Variants in MKX observed in about 807,000 individuals in gnomAD.
The protein encoded by MKX is homeobox protein Mohawk.
MKX carries 13 observed loss-of-function variants against 36.0 expected under a neutral mutation model. That is an observed-to-expected ratio of 0.36 (90% confidence interval 0.24 to 0.57). The LOEUF (loss-of-function observed/expected upper bound fraction) is 0.57, where lower values mean the gene tolerates loss of function less well. MKX is among the 20% of genes least tolerant of loss of function. The pLI is 0.79. For synonymous variants in MKX, 176 were observed against 178.3 expected, an observed-to-expected ratio of 0.99 and a Z score of 0.10; for missense variants, 458 against 456.4, an observed-to-expected ratio of 1.00 and a Z score of -0.03.
rs143683680 is a variant in MKX at position 27,734,968 on chromosome 10, G to A, written c.503-177C>T. ...AAAGCAAATATTTATGTCATCTCTC[G>A]CTTATGGTATTTTAATTTTAATGAA... On this transcript the variant is annotated intron_variant, in intron 4 of 6. Coordinates refer to ENST00000419761, the MANE Select transcript of MKX (RefSeq NM_173576.3). Among the ~76,000 whole-genome samples, 143 of 152,024 alleles carry A rather than the reference G, an allele frequency of 9.4e-4. 2 individuals carry two copies. The East Asian group carries it at 0.025, about 27-fold the overall frequency.
At chr10:27,726,142 C>T (rs1422196135) in intron 5 of MKX, among the ~76,000 whole-genome samples, 1 of 152,092 alleles carries the variant, frequency 6.6e-6, no homozygotes, top group African/African-American at 2.4e-5. Context: ...TCAGTAGAAC[C>T]ATAATGCCAA....
intron 5 of MKX, among the ~76,000 whole-genome samples, chr10:27,723,024 G>A (rs1055700889): frequency 1.3e-5 from 2 of 152,090 alleles, no homozygotes; most frequent in African/African-American, 4.8e-5. Flanking sequence ...GAAAGTTATT[G>A]TAACTATAAA....
Position 27,675,123 on chromosome 10 carries a change from A to G in MKX, c.*106T>C. On this transcript the variant is annotated 3_prime_UTR_variant, in exon 7 of 7. Transcript: ENST00000419761. Reference sequence around the variant, plus strand: ...TATATTTGGGATAATTAAAAATAAGAAGAGGTTTGGGAGAGAGTCATTTTC... The same window carrying G: ...TATATTTGGGATAATTAAAAATAAGGAGAGGTTTGGGAGAGAGTCATTTTC... 1.0e-6 allele frequency: 1 copy of G among 1,004,702 alleles called. No homozygotes were observed. Among genetic ancestry groups the G allele is most frequent in the Admixed American group, 2.6e-5 (1 of 38,278 alleles). The allele number at this position is 1,004,702 out of a possible 1,614,324, so 62.2% of individuals were successfully genotyped here.
chr10:27,709,652 A>T (rs950254247), intron 5 of MKX, among the ~76,000 whole-genome samples: 1 of 152,192 alleles, frequency 6.6e-6, no homozygotes, highest in Non-Finnish European at 1.5e-5. Flanking sequence ...GCCCCTCTGG[A>T]GTGGGATGAA....
chr10:27,740,569 T>C (rs567377252), intron 3 of MKX, among the ~76,000 whole-genome samples: 1 of 152,196 alleles, frequency 6.6e-6, no homozygotes, highest in Non-Finnish European at 1.5e-5. Context: ...TTGTGAACAG[T>C]AAGATTCAGT....
chr10:27,679,498 C>T (rs1836214686), intron 5 of MKX, among the ~76,000 whole-genome samples: 1 of 152,182 alleles, frequency 6.6e-6, no homozygotes, highest in Non-Finnish European at 1.5e-5. Context: ...TGGTGGGCTG[C>T]TCAGTGTCAC....
In MKX at chr10:27,724,791, A is replaced by ACACACACACC. The variant is rs775804611; in HGVS notation, c.838+9664_838+9665insGGTGTGTGTG. ...CACACACACACACACACACACACACACCCCGCAGAAACCTTTGGCCACCAG... is the reference window on the plus strand; with the variant it reads ...CACACACACACACACACACACACACACACACACACCCCCCGCAGAAACCTTTGGCCACCAG... On this transcript the variant is annotated intron_variant, in intron 5 of 6. Coordinates refer to ENST00000419761, the MANE Select transcript of MKX (RefSeq NM_173576.3). Among the ~76,000 whole-genome samples, 281 of 147,864 alleles carry ACACACACACC rather than the reference A, an allele frequency of 1.9e-3. 1 individual carries two copies. Among genetic ancestry groups the ACACACACACC allele is most frequent in the Middle Eastern group, 7.1e-3 (2 of 282 alleles).
At chr10:27,684,874 G>A (rs2132498634) in intron 5 of MKX, among the ~76,000 whole-genome samples, 1 of 152,346 alleles carries the variant, frequency 6.6e-6, no homozygotes, top group Admixed American at 6.5e-5. Context: ...CTCACAAGAA[G>A]TGCGCAACCC....
At position 27,727,232 on chromosome 10, in the gene MKX, T is replaced by C. The variant is rs553537690; in HGVS notation, c.838+7224A>G. On this transcript the variant is annotated intron_variant, in intron 5 of 6. Transcript: ENST00000419761. ...TCATACTTTCGATTTGTTTATAAGC[T>C]ATATAGTATGATAGTGCGAGTCTCA... 6.6e-5 allele frequency among the ~76,000 whole-genome samples: 10 copies of C among 152,374 alleles called. No homozygotes were observed. The South Asian group carries it at 2.1e-3, about 32-fold the overall frequency.
At chr10:27,737,947 G>A (rs1395349012) in intron 3 of MKX, among the ~76,000 whole-genome samples, 1 of 151,978 alleles carries the variant, frequency 6.6e-6, no homozygotes, top group Non-Finnish European at 1.5e-5. Context: ...CCTTCTAACA[G>A]ATAAAAATGG....
intron 1 of MKX, 149 bp from the exon 2 acceptor site, chr10:27,743,646 C>A (rs529035541): frequency 1.2e-4 from 61 of 514,634 alleles, no homozygotes; most frequent in African/African-American, 1.1e-3. Context: ...CTGCGGCTCT[C>A]CCCAGTTGGC....
intron 5 of MKX, among the ~76,000 whole-genome samples, chr10:27,677,145 T>A (rs895383637): frequency 7.2e-5 from 11 of 152,108 alleles, no homozygotes; most frequent in Non-Finnish European, 1.5e-4. Flanking sequence ...ATCATCATCG[T>A]CATCATCATC....
At chr10:27,700,798 C>A (rs900204788) in intron 5 of MKX, among the ~76,000 whole-genome samples, 1 of 152,010 alleles carries the variant, frequency 6.6e-6, no homozygotes, top group East Asian at 1.9e-4. Flanking sequence ...GTTTACTTAG[C>A]GAGAAAAATC....
chr10:27,742,475 G>A lies in MKX; in HGVS notation c.188+753C>T, dbSNP rs1834925245. On this transcript the variant is annotated intron_variant, in intron 2 of 6. Coordinates refer to ENST00000419761, the MANE Select transcript of MKX (RefSeq NM_173576.3). This position sits in a 1 kb window ranked among gnomAD's most constrained non-coding sequence, Gnocchi z 4.2. ...AAGCAGCGACGCCGCAGAACAAGCA[G>A]CTGATGCAATCGTTCAGGTGGAGGC... is the stretch of plus-strand genomic sequence containing the variant. Among the ~76,000 whole-genome samples, 1 of 152,134 alleles carries A rather than the reference G, an allele frequency of 6.6e-6. No homozygotes were observed. The highest frequency in any genetic ancestry group is 6.5e-5 in the Admixed American group (1 of 15,284).
chr10:27,716,967 G>A lies in MKX; in HGVS notation c.838+17489C>T, dbSNP rs74129341. 2.1e-3 allele frequency among the ~76,000 whole-genome samples: 327 copies of A among 152,278 alleles called. 2 individuals are homozygous for A. Among genetic ancestry groups the A allele is most frequent in the African/African-American group, 7.6e-3 (314 of 41,566 alleles). ...AATTACATGAACCCTTAAATGCAGA[G>A]CTTTTTCCTGGGGGAAGGCAGGGGG... On this transcript the variant is annotated intron_variant, in intron 5 of 6. Coordinates refer to ENST00000419761, the MANE Select transcript of MKX (RefSeq NM_173576.3).
At chr10:27,688,910 G>A (rs1746687008) in intron 5 of MKX, among the ~76,000 whole-genome samples, 1 of 152,076 alleles carries the variant, frequency 6.6e-6, no homozygotes, top group Non-Finnish European at 1.5e-5. Context: ...GGCTACAAAG[G>A]ACTAATGTGA....
Position 27,743,385 on chromosome 10 carries a change from C to G in MKX, c.31G>C (p.Gly11Arg), listed in dbSNP as rs1211582571. 1.9e-6 allele frequency: 3 copies of G among 1,569,932 alleles called. No individual in the cohort carries two copies. The highest frequency in any genetic ancestry group is 2.6e-6 in the Non-Finnish European group (3 of 1,160,668). MNTIVFNKLS[G>R]AVLFEDGGAS... ...CCTCCGTCCTCAAACAGCACCGCACCGCTGAGCTTGTTGAAGACGATGGTG... is the reference window on the plus strand; with the variant it reads ...CCTCCGTCCTCAAACAGCACCGCACGGCTGAGCTTGTTGAAGACGATGGTG... The change falls in exon 2 of 7, where the codon GGT becomes CGT. Residue 11 changes from glycine to arginine, a missense_variant. This residue lies in a region of MKX where 149 missense variants were observed against 114.3 expected (regional missense o/e 1.30). Coordinates refer to ENST00000419761, the MANE Select transcript of MKX (RefSeq NM_173576.3).
chr10:27,697,416 T>C (rs1836575211), intron 5 of MKX, among the ~76,000 whole-genome samples: 1 of 152,230 alleles, frequency 6.6e-6, no homozygotes, highest in South Asian at 2.1e-4. Context: ...TAACAGTATT[T>C]AGTGAGCATT....
At chr10:27,719,558 G>A (rs1467846688) in intron 5 of MKX, among the ~76,000 whole-genome samples, 1 of 152,144 alleles carries the variant, frequency 6.6e-6, no homozygotes, top group East Asian at 1.9e-4. Context: ...GAGGTACAGA[G>A]TAGAGATTCT....
Sources: gnomAD v4.1 joint callset for allele counts (sites outside exome capture counted in the v4.1 genomes callset) on GRCh38, gnomAD v4.1.1 for gene constraint, gnomAD v4.1.1 regional missense constraint, Gnocchi (gnomAD v3.1) non-coding constraint, MANE v1.5 for transcripts, NCBI Gene and HGNC (gene_info 2026-07-23, HGNC 2026-07-21) for gene names.